Variants in TRDN observed in about 807,000 individuals in gnomAD.
TRDN encodes the protein triadin in skeletal muscle.
In TRDN, 161 loss-of-function variants were observed where a neutral mutation model predicts 149.7. The ratio of observed to expected loss-of-function variants is 1.08; its 90% CI spans 0.95 to 1.23. TRDN has a LOEUF of 1.23. Ranked by LOEUF, TRDN falls within the 50% of genes most tolerant of loss-of-function variation. The pLI, the probability that TRDN is intolerant of heterozygous loss-of-function variation, is 0.00. For missense variants in TRDN, 896 were observed against 823.5 expected (o/e 1.09, Z -1.08); for synonymous variants, 294 against 250.5 (o/e 1.17, Z -1.64).
intron 23 of TRDN, among the ~76,000 whole-genome samples, chr6:123,318,319 C>T (rs574547277): frequency 6.6e-6 from 1 of 152,042 alleles, no homozygotes; most frequent in East Asian, 1.9e-4. Context: ...GGCTCAAGTG[C>T]TGGTCAATTA....
chr6:123,499,719 A>AAAAAAAAAAT, intron 8 of TRDN, among the ~76,000 whole-genome samples: 42 of 47,674 alleles, frequency 8.8e-4, no homozygotes, highest in South Asian at 1.9e-3. Context: ...AAAAAAAAAA[A>AAAAAAAAAAT]ATATATATAT....
At chr6:123,540,605 C>T (rs369694885) in intron 4 of TRDN, among the ~76,000 whole-genome samples, 1 of 152,206 alleles carries the variant, frequency 6.6e-6, no homozygotes, top group Admixed American at 6.5e-5. Flanking sequence ...CCGCAGGCTC[C>T]GCCTCCTGGC....
intron 1 of TRDN, among the ~76,000 whole-genome samples, chr6:123,605,049 A>T (rs986437038): frequency 5.3e-5 from 8 of 151,978 alleles, no homozygotes; most frequent in African/African-American, 1.7e-4. Context: ...TGTGATTTGC[A>T]TATCATTGTT....
intron 21 of TRDN, chr6:123,350,895 T>A (rs781230680): frequency 9.1e-6 from 9 of 984,058 alleles, no homozygotes; most frequent in Non-Finnish European, 1.1e-5. Context: ...TCTGAAGGAG[T>A]AAGATCCTAT....
At chr6:123,397,651 T>C (rs546686288) in intron 12 of TRDN, among the ~76,000 whole-genome samples, 1 of 152,344 alleles carries the variant, frequency 6.6e-6, no homozygotes, top group African/African-American at 2.4e-5. Context: ...CTTTGATCAC[T>C]GATTATGTGT....
chr6:123,578,761 T>C (rs891577186), intron 1 of TRDN, among the ~76,000 whole-genome samples: 2 of 152,176 alleles, frequency 1.3e-5, no homozygotes, highest in African/African-American at 2.4e-5. Context: ...GCCATTTTAA[T>C]GATATTATTT....
chr6:123,344,286 C>A (rs1478641892), intron 21 of TRDN, among the ~76,000 whole-genome samples: 2 of 151,998 alleles, frequency 1.3e-5, no homozygotes, highest in Non-Finnish European at 2.9e-5. Flanking sequence ...CTTTATCAAC[C>A]AAAGTCCATA....
chr6:123,522,517 C>CTTTTTTTTTT (rs375665403), intron 5 of TRDN, among the ~76,000 whole-genome samples: 31 of 87,186 alleles, frequency 3.6e-4, no homozygotes, highest in East Asian at 1.1e-3. Flanking sequence ...TGCGGTTCCT[C>CTTTTTTTTTT]TTTTTTTTTT....
chr6:123,448,319 G>A (rs1020253326), intron 10 of TRDN, among the ~76,000 whole-genome samples: 2 of 152,154 alleles, frequency 1.3e-5, no homozygotes, highest in Non-Finnish European at 2.9e-5. Context: ...TTTGCAGCTG[G>A]AAGGTGGGTA....
intron 10 of TRDN, among the ~76,000 whole-genome samples, chr6:123,451,121 G>A (rs755740438): frequency 2.0e-5 from 3 of 151,906 alleles, no homozygotes; most frequent in Non-Finnish European, 4.4e-5. Context: ...GAAAGTTCAT[G>A]GCCCTAAATG....
At chr6:123,547,222 G>T in intron 4 of TRDN, 118 bp downstream of exon 4, 2 of 604,802 alleles carry the variant, frequency 3.3e-6, no homozygotes, top group Non-Finnish European at 5.5e-6. Context: ...TATAAATCTT[G>T]ACCTAATTAT....
chr6:123,624,850 TG>T (rs1253265082), intron 1 of TRDN, among the ~76,000 whole-genome samples: 3 of 152,140 alleles, frequency 2.0e-5, no homozygotes, highest in African/African-American at 7.2e-5. Context: ...AACACTCAGA[TG>T]GGATGACAGG....
chr6:123,561,520 A>C (rs1274899470), intron 2 of TRDN, among the ~76,000 whole-genome samples: 3 of 152,064 alleles, frequency 2.0e-5, no homozygotes, highest in Non-Finnish European at 4.4e-5. Flanking sequence ...ACTGCACCCC[A>C]AAAACTTGGA....
chr6:123,300,878 AT>A (rs1020313504), intron 24 of TRDN, among the ~76,000 whole-genome samples: 3 of 151,662 alleles, frequency 2.0e-5, no homozygotes, highest in African/African-American at 7.3e-5. Flanking sequence ...ATATCTTACC[AT>A]TATGTCCATG....
intron 38 of TRDN, among the ~76,000 whole-genome samples, chr6:123,250,612 C>T (rs966988838): frequency 1.2e-4 from 18 of 152,108 alleles, no homozygotes; most frequent in Admixed American, 2.0e-4. Context: ...ATTAAACAAT[C>T]ATTCCATGAT....
intron 4 of TRDN, among the ~76,000 whole-genome samples, chr6:123,542,962 A>AAATT (rs10678222): frequency 0.53 from 80,381 of 150,908 alleles, 22,267 homozygotes; most frequent in African/African-American, 0.6. Flanking sequence ...AAGGGAATTA[A>AAATT]AATTTATATT....
intron 1 of TRDN, among the ~76,000 whole-genome samples, chr6:123,597,847 T>G (rs766132265): frequency 8.1e-4 from 123 of 152,128 alleles, no homozygotes; most frequent in Admixed American, 2.8e-3. Flanking sequence ...AACTTTTATA[T>G]GTACTGGGAT....
At chr6:123,499,419 T>A (rs1778582793) in intron 8 of TRDN, among the ~76,000 whole-genome samples, 1 of 151,830 alleles carries the variant, frequency 6.6e-6, no homozygotes, top group East Asian at 1.9e-4. Context: ...GGGTTCCACA[T>A]TGGAGCATTC....
At chr6:123,495,164 C>G (rs1778393541) in intron 9 of TRDN, among the ~76,000 whole-genome samples, 1 of 152,124 alleles carries the variant, frequency 6.6e-6, no homozygotes, top group Non-Finnish European at 1.5e-5. Context: ...AGCAGTCCTC[C>G]CACCTCACCC....
Sources: gnomAD v4.1 joint callset for allele counts (sites outside exome capture counted in the v4.1 genomes callset) on GRCh38, gnomAD v4.1.1 for gene constraint, MANE v1.5 for transcripts, NCBI Gene and HGNC (gene_info 2026-07-23, HGNC 2026-07-21) for gene names.